FBXO47: variants seen among roughly 807,000 people sequenced by gnomAD.
FBXO47 encodes F-box protein 47.
A neutral mutation model predicts 53.9 loss-of-function variants in FBXO47; 34 were observed. The observed-to-expected ratio is 0.63, with a 90% confidence interval of 0.48 to 0.84. FBXO47 has a LOEUF of 0.84. FBXO47 is among the 40% of genes least tolerant of loss of function. The probability of loss-of-function intolerance (pLI) is 0.00; values close to 1 mark genes in which losing one functional copy is unlikely to be tolerated. For missense variants in FBXO47, 485 were observed against 541.3 expected (o/e 0.90, Z 1.03); for synonymous variants, 165 against 181.6 (o/e 0.91, Z 0.73).
At position 38,951,626 on chromosome 17, in the gene FBXO47, T is replaced by G. The variant is rs1905289797; in HGVS notation, c.571A>C (p.Thr191Pro). Residue 191 changes from threonine to proline, a missense_variant, in exon 6 of 11, where the codon ACT (threonine) becomes CCT (proline). Transcript: ENST00000378079. ...HRVYNFLCEL[T>P]NLCRKIQMAV... ...ATTTGTATCTTGCGGCAGAGATTAGTCAGTTCGCATAAGAAATTATAAACG... is the reference window on the plus strand; with the variant it reads ...ATTTGTATCTTGCGGCAGAGATTAGGCAGTTCGCATAAGAAATTATAAACG... The G allele has an allele frequency of 6.2e-7, 1 of 1,614,112 alleles. No individual in the cohort carries two copies. The highest frequency in any genetic ancestry group is 8.5e-7 in the Non-Finnish European group (1 of 1,179,992).
At chr17:38,939,595 A>C (rs996081296) in intron 9 of FBXO47, among the ~76,000 whole-genome samples, 8 of 149,240 alleles carry the variant, frequency 5.4e-5, no homozygotes, top group African/African-American at 2.0e-4. Flanking sequence ...TATTGAAAAG[A>C]TAAATATTTA....
At chr17:38,950,465 T>A (rs1018352243) in intron 6 of FBXO47, among the ~76,000 whole-genome samples, 10 of 144,500 alleles carry the variant, frequency 6.9e-5, no homozygotes, top group Non-Finnish European at 1.2e-4. Context: ...CCGCCTAATT[T>A]TTTTTTTTTT....
intron 10 of FBXO47, among the ~76,000 whole-genome samples, chr17:38,938,018 T>G (rs138346602): frequency 1.3e-5 from 2 of 152,276 alleles, no homozygotes; most frequent in African/African-American, 4.8e-5. Context: ...CTTTACTAAG[T>G]CAAGTTAACT....
chr17:38,964,854 C>T (rs1360389427), intron 1 of FBXO47, among the ~76,000 whole-genome samples: 1 of 152,018 alleles, frequency 6.6e-6, no homozygotes, highest in East Asian at 1.9e-4. Flanking sequence ...GCTCTACTGC[C>T]CGGGCTGGAG....
intron 10 of FBXO47, 27 bp downstream of exon 10, chr17:38,938,546 C>T (rs1250745672): frequency 6.3e-7 from 1 of 1,578,256 alleles, no homozygotes; most frequent in African/African-American, 1.3e-5. Context: ...TTACGCACAC[C>T]TGTGCACCAA....
At position 38,948,499 on chromosome 17, in the gene FBXO47, G is replaced by A. The variant is rs76104158; in HGVS notation, c.616+3082C>T. The stretch of plus-strand genomic sequence containing the variant: ...CAAAGTGCTGGGATTACAGGTGTGA[G>A]CCACCACGCCCCGCCCCTATTCTGG... On this transcript the variant is annotated intron_variant, in intron 6 of 10. Coordinates refer to ENST00000378079, the MANE Select transcript of FBXO47 (RefSeq NM_001008777.3). Among the ~76,000 whole-genome samples, 1,254 of 152,094 alleles carry A rather than the reference G, an allele frequency of 8.2e-3. 18 individuals carry two copies. Among genetic ancestry groups the A allele is most frequent in the African/African-American group, 0.029 (1,192 of 41,494 alleles).
At chr17:38,948,973 TC>T (rs976550962) in intron 6 of FBXO47, among the ~76,000 whole-genome samples, 1 of 151,924 alleles carries the variant, frequency 6.6e-6, no homozygotes, top group Non-Finnish European at 1.5e-5. Flanking sequence ...ATGCTCTCCT[TC>T]CCCCAACCCC....
intron 7 of FBXO47, among the ~76,000 whole-genome samples, chr17:38,944,236 T>G (rs1197141246): frequency 6.8e-6 from 1 of 147,892 alleles, no homozygotes; most frequent in East Asian, 2.0e-4. Flanking sequence ...TGTGTGTGTA[T>G]GCTTCTTGGC....
At chr17:38,946,332 A>G (rs1295920323) in intron 6 of FBXO47, among the ~76,000 whole-genome samples, 21 of 93,340 alleles carry the variant, frequency 2.2e-4, no homozygotes, top group African/African-American at 8.5e-4. Flanking sequence ...ATAAATATAT[A>G]AATATATATA....
chr17:38,943,516 T>G, intron 8 of FBXO47, 74 bp downstream of exon 8: 1 of 956,062 alleles, frequency 1.0e-6, no homozygotes, highest in Non-Finnish European at 1.5e-6. Flanking sequence ...ACCTGTAGAA[T>G]TATCCTTATA....
At chr17:38,964,514 G>A (rs1456593050) in intron 1 of FBXO47, among the ~76,000 whole-genome samples, 2 of 151,898 alleles carry the variant, frequency 1.3e-5, no homozygotes, top group African/African-American at 4.8e-5. Flanking sequence ...GAAAATTGCT[G>A]GAACCTGGGA....
intron 4 of FBXO47, 25 bp from the exon 5 acceptor site, chr17:38,954,958 C>T (rs1184462516): frequency 2.0e-6 from 3 of 1,504,238 alleles, no homozygotes; most frequent in South Asian, 2.4e-5. Flanking sequence ...ATGTTAATAC[C>T]TCCTTGTCAG....
chr17:38,946,421 AC>A (rs1904849553), intron 6 of FBXO47, among the ~76,000 whole-genome samples: 1 of 49,266 alleles, frequency 2.0e-5, no homozygotes, highest in Non-Finnish European at 3.2e-5. Flanking sequence ...TATATATATA[AC>A]TATATAAATA....
At chr17:38,966,148 T>A (rs1354630106) in intron 1 of FBXO47, among the ~76,000 whole-genome samples, 2 of 152,146 alleles carry the variant, frequency 1.3e-5, no homozygotes, top group Non-Finnish European at 2.9e-5. Flanking sequence ...AGTAAAATAA[T>A]CTTAATTTGT....
chr17:38,938,725 T>G lies in FBXO47; in HGVS notation c.1091A>C (p.Glu364Ala). ...RLVVFLALVC[E>A]KELYCMDWTV... ...CCAATCCATGCAGTACAGTTCTTTC[T>G]CACACACCTGATTTAGACATATAAA... is the stretch of plus-strand genomic sequence containing the variant. The change falls in exon 10 of 11, where the codon GAG becomes GCG. Residue 364 changes from glutamate (E) to alanine (A), a missense_variant. By Grantham distance (107) the Glu-to-Ala change is moderately radical. Transcript: ENST00000378079. 5 of 1,585,732 alleles carry G rather than the reference T, an allele frequency of 3.2e-6. No individual in the cohort carries two copies. Among genetic ancestry groups the G allele is most frequent in the Non-Finnish European group, 4.3e-6 (5 of 1,158,562 alleles).
At chr17:38,944,054 C>A (rs912338212) in intron 7 of FBXO47, among the ~76,000 whole-genome samples, 4 of 151,550 alleles carry the variant, frequency 2.6e-5, no homozygotes, top group African/African-American at 9.7e-5. Flanking sequence ...TGGTGGTGCA[C>A]GCCTGTAGTC....
At position 38,961,986 on chromosome 17, in the gene FBXO47, A is replaced by T; in HGVS notation, c.243T>A (p.Tyr81Ter). 1 of 1,614,018 alleles carries T rather than the reference A, an allele frequency of 6.2e-7. No individual in the cohort carries two copies. The highest frequency in any genetic ancestry group is 1.7e-5 in the Admixed American group (1 of 59,960). ...TTTTGCTTCCTGATGAGGTTGAGAT[A>T]TAATTAATAATGTGTTGGCTGACTG... is the stretch of plus-strand genomic sequence containing the variant. Reference protein sequence around the residue: ...SKTVSQHIINYISTSSGSKRL... With the variant: ...SKTVSQHIIN Residue 81 changes from tyrosine to a stop codon, truncating the protein, a stop_gained, in exon 3 of 11, where the codon TAT (tyrosine) becomes TAA (stop). Transcript: ENST00000378079. LOFTEE classifies it high-confidence loss of function.
chr17:38,946,217 A>T (rs1437926533), intron 6 of FBXO47, among the ~76,000 whole-genome samples: 26 of 112,244 alleles, frequency 2.3e-4, no homozygotes, highest in Non-Finnish European at 3.1e-4. Flanking sequence ...TATATACAAA[A>T]ATATATATAA....
At chr17:38,966,462 A>G (rs1341632528) in intron 1 of FBXO47, among the ~76,000 whole-genome samples, 3 of 152,158 alleles carry the variant, frequency 2.0e-5, no homozygotes, top group African/African-American at 7.2e-5. Flanking sequence ...GGCCTCCCAA[A>G]GTGCTGGGAT....
Sources: allele counts gnomAD v4.1 joint callset (sites outside exome capture counted in the v4.1 genomes callset), GRCh38; gene constraint gnomAD v4.1.1; transcripts MANE v1.5; gene names NCBI Gene and HGNC (gene_info 2026-07-23, HGNC 2026-07-21).